Variants in MBP observed in about 807,000 individuals in gnomAD.
The protein encoded by MBP is myelin basic protein, also known as Golli-MBP.
Under a neutral mutation model 35.8 loss-of-function variants are expected in MBP, and 16 were observed. That is an observed-to-expected ratio of 0.45 (90% CI 0.30 to 0.68). MBP has a LOEUF of 0.68. MBP is among the 30% of genes least tolerant of loss of function. The pLI is 0.08. For synonymous variants in MBP, 143 were observed against 159.6 expected (o/e 0.90, Z 0.78); for missense variants, 380 against 404.7 (o/e 0.94, Z 0.52).
intron 1 of MBP, among the ~76,000 whole-genome samples, chr18:77,118,292 G>A (rs182667924): frequency 0.01 from 1,553 of 151,590 alleles, 35 homozygotes; most frequent in African/African-American, 0.036. Context: ...CCCCTAGGGT[G>A]GATTGGCCTC....
intron 1 of MBP, among the ~76,000 whole-genome samples, chr18:77,107,476 C>T (rs933962268): frequency 1.3e-5 from 2 of 152,206 alleles, no homozygotes; most frequent in Admixed American, 1.3e-4. Flanking sequence ...ACACTCACTC[C>T]TTCCAGGAAA....
At chr18:77,024,010 G>A (rs1015494614) in intron 3 of MBP, among the ~76,000 whole-genome samples, 11 of 152,208 alleles carry the variant, frequency 7.2e-5, no homozygotes, top group African/African-American at 1.2e-4. Flanking sequence ...ATTTACTGGA[G>A]TATACTCCAA....
At chr18:77,093,382 A>G (rs1390324897) in intron 2 of MBP, 2 of 152,286 alleles carry the variant, frequency 1.3e-5, no homozygotes, top group Non-Finnish European at 1.5e-5. Context: ...GTGGGTTTAC[A>G]TTGCCCTGAG....
At chr18:77,127,507 C>T (rs1208794476) in intron 1 of MBP, 1 of 151,904 alleles carries the variant, frequency 6.6e-6, no homozygotes, top group Non-Finnish European at 1.5e-5. Flanking sequence ...AGACTTCACA[C>T]CAAAAATCAA....
rs1568354963 is a variant in MBP, at chr18:77,131,121, C to CA, written c.-26+1458_-26+1459insT. On this transcript the variant is annotated intron_variant, in intron 1 of 8. Coordinates refer to ENST00000355994, the MANE Select transcript of MBP (RefSeq NM_001025101.2). This position sits in a 1 kb window ranked among gnomAD's most constrained non-coding sequence, Gnocchi z 5.5. ...CACACACACACACACACACACACAC[C>CA]CCCTCTGCCGCGGTACCCTTCCCCT... Among the ~76,000 whole-genome samples, 5,105 of 64,708 alleles carry CA rather than the reference C, an allele frequency of 0.079. 106 individuals carry two copies. The highest frequency in any genetic ancestry group is 0.13 in the Non-Finnish European group (3,098 of 24,682). 42.5% of individuals were successfully genotyped at this position (64,708 alleles called of 152,430 possible). A position where few individuals can be genotyped will look rare whatever the true frequency, so the allele number is the denominator to read the frequency against.
At chr18:77,015,333 G>A (rs189708233) in intron 4 of MBP, 59 of 985,304 alleles carry the variant, frequency 6.0e-5, no homozygotes, top group Admixed American at 6.1e-5. Flanking sequence ...TGCTGTATGC[G>A]TGAGGGATGC....
Position 76,988,667 on chromosome 18 carries a change from A to G in MBP, c.718-140T>C. The G allele has an allele frequency of 6.8e-7, 1 of 1,468,852 alleles. No individual in the cohort carries two copies. The highest frequency in any genetic ancestry group is 2.2e-5 in the Admixed American group (1 of 45,456). The allele number at this position is 1,468,852 out of a possible 1,614,324, so 91.0% of individuals were successfully genotyped here. Reference sequence around the variant, plus strand: ...CACCCGGAGCTCCGAGGGGGGCCGCAGGCTCAGGGCCACAGCGGCTGTGCA... The same window carrying G: ...CACCCGGAGCTCCGAGGGGGGCCGCGGGCTCAGGGCCACAGCGGCTGTGCA... On this transcript the variant is annotated intron_variant, in intron 6 of 8. Coordinates refer to ENST00000355994, the MANE Select transcript of MBP (RefSeq NM_001025101.2). The surrounding 1 kb of genome is among the most constrained non-coding windows in gnomAD (Gnocchi z 5.2).
intron 1 of MBP, among the ~76,000 whole-genome samples, chr18:77,118,893 C>T (rs1976800705): frequency 6.6e-6 from 1 of 151,926 alleles, no homozygotes; most frequent in South Asian, 2.1e-4. Flanking sequence ...ACCAGACACA[C>T]ACCACACACA....
Position 76,979,813 on chromosome 18 carries a change from CCT to C in MBP, c.*612_*613del, listed in dbSNP as rs1969076053. 6 of 605,878 alleles carry C rather than the reference CCT, an allele frequency of 9.9e-6. No individual in the cohort carries two copies. The Admixed American group carries it at 1.4e-4, about 14-fold the overall frequency. The allele number at this position is 605,878 out of a possible 1,614,324, so 37.5% of individuals were successfully genotyped here. A position where few individuals can be genotyped will look rare whatever the true frequency, so the allele number is the denominator to read the frequency against. On this transcript the variant is annotated 3_prime_UTR_variant, in exon 9 of 9. Transcript: ENST00000355994. ...CAGCCACGGCCTGGGGAGGTGGCCC[CCT>C]CTCTGTGCTGCCCCACGTTGGACTC...
chr18:77,114,742 G>A (rs1425475679), intron 1 of MBP: 1 of 152,358 alleles, frequency 6.6e-6, no homozygotes, highest in African/African-American at 2.4e-5. Flanking sequence ...ATCCCTGGTA[G>A]CTTCGCAGTC....
intron 3 of MBP, among the ~76,000 whole-genome samples, chr18:77,050,498 A>AT (rs1208330536): frequency 1.3e-5 from 2 of 152,324 alleles, no homozygotes; most frequent in East Asian, 3.9e-4. Flanking sequence ...CTTCATTGCC[A>AT]TAACTGAGCT....
chr18:77,006,734 C>T lies in MBP; in HGVS notation c.576+10098G>A, dbSNP rs1337995766. The T allele has an allele frequency of 3.9e-5, 6 of 152,220 alleles. No individual in the cohort carries two copies. In the South Asian group the frequency reaches 1.2e-3, roughly 32 times the overall value. 9.4% of individuals were successfully genotyped at this position (152,220 alleles called of 1,614,324 possible). A position where few individuals can be genotyped will look rare whatever the true frequency, so the allele number is the denominator to read the frequency against. On this transcript the variant is annotated intron_variant, in intron 4 of 8. Coordinates refer to ENST00000355994, the MANE Select transcript of MBP (RefSeq NM_001025101.2). ...CTGTCAGCCCCGAGAGCACCGGTGTCTCTGGGAGTCAGGGAGCTCGGAGCA... is the reference window on the plus strand; with the variant it reads ...CTGTCAGCCCCGAGAGCACCGGTGTTTCTGGGAGTCAGGGAGCTCGGAGCA...
chr18:77,035,669 GA>G (rs988400914), intron 3 of MBP, among the ~76,000 whole-genome samples: 20 of 151,898 alleles, frequency 1.3e-4, no homozygotes, highest in African/African-American at 4.8e-4. Flanking sequence ...AAGGGGGGGG[GA>G]CCATGAGGCT....
At chr18:76,993,579 C>A (rs900394691) in intron 4 of MBP, among the ~76,000 whole-genome samples, 9 of 151,706 alleles carry the variant, frequency 5.9e-5, no homozygotes, top group African/African-American at 2.2e-4. Flanking sequence ...CAAAAGATCC[C>A]ATTTTATCCC....
chr18:77,107,419 C>G (rs1976314129), intron 1 of MBP, among the ~76,000 whole-genome samples: 1 of 152,190 alleles, frequency 6.6e-6, no homozygotes, highest in Non-Finnish European at 1.5e-5. Flanking sequence ...GTTTCTCACC[C>G]TCCTCCTCCC....
At chr18:77,118,951 G>A (rs1976802249) in intron 1 of MBP, among the ~76,000 whole-genome samples, 1 of 152,062 alleles carries the variant, frequency 6.6e-6, no homozygotes, top group Non-Finnish European at 1.5e-5. Flanking sequence ...TACCACACAT[G>A]GTGCTCCTTC....
intron 2 of MBP, among the ~76,000 whole-genome samples, chr18:77,104,651 G>C (rs1162417708): frequency 6.6e-6 from 1 of 152,178 alleles, no homozygotes; most frequent in Non-Finnish European, 1.5e-5. Flanking sequence ...TTATGAATTG[G>C]TGTAAATTTT....
At chr18:77,019,997 C>T (rs973023959) in intron 3 of MBP, among the ~76,000 whole-genome samples, 1 of 152,080 alleles carries the variant, frequency 6.6e-6, no homozygotes, top group Non-Finnish European at 1.5e-5. Context: ...GGTATCACAG[C>T]CTTGATGGCT....
chr18:77,016,171 A>G, intron 4 of MBP: 6 of 978,830 alleles, frequency 6.1e-6, no homozygotes, highest in Non-Finnish European at 7.3e-6. Context: ...TTTTTGTAAT[A>G]CATTTTTATC....
Sources: allele counts gnomAD v4.1 joint callset (sites outside exome capture counted in the v4.1 genomes callset), GRCh38; gene constraint gnomAD v4.1.1; non-coding constraint Gnocchi (gnomAD v3.1); transcripts MANE v1.5; gene names NCBI Gene and HGNC (gene_info 2026-07-23, HGNC 2026-07-21).